Variants in IGSF10 observed in about 807,000 individuals in gnomAD.
IGSF10 encodes the protein calvaria mechanical force protein 608.
IGSF10 carries 126 observed loss-of-function variants against 128.2 expected under a neutral mutation model. The ratio of observed to expected loss-of-function variants is 0.98; its 90% CI spans 0.85 to 1.14. IGSF10 has a LOEUF of 1.14. Among genes scored for constraint, IGSF10 ranks in the 50% most tolerant of loss-of-function variants. IGSF10 has a pLI of 0.00. For synonymous variants in IGSF10, 1,185 were observed against 1,146.2 expected (o/e 1.03, Z -0.68); for missense variants, 3,295 against 3,149.8 (o/e 1.05, Z -1.10).
chr3:151,458,710 C>T lies in IGSF10; in HGVS notation c.-1G>A. On this transcript the variant is annotated splice_region_variant and 5_prime_UTR_variant, in exon 3 of 8. Coordinates refer to ENST00000282466, the MANE Select transcript of IGSF10 (RefSeq NM_178822.5). Reference sequence around the variant, plus strand: ...TGATTCCTCTGCCTTTTACCTTCATCCTGAAAAAACATCATACCTCAGAGT... The same window carrying T: ...TGATTCCTCTGCCTTTTACCTTCATTCTGAAAAAACATCATACCTCAGAGT... 6.2e-7 allele frequency: 1 copy of T among 1,610,038 alleles called. No individual in the cohort carries two copies. Among genetic ancestry groups the T allele is most frequent in the Non-Finnish European group, 8.5e-7 (1 of 1,178,264 alleles).
At chr3:151,497,397 T>A in the IGSF10 span, among the ~76,000 whole-genome samples, 1 of 152,206 alleles carries the variant, frequency 6.6e-6, no homozygotes, top group South Asian at 2.1e-4. Flanking sequence ...TCCATATGGC[T>A]AGCCAGTTTT....
chr3:151,467,278 T>C, the IGSF10 span, among the ~76,000 whole-genome samples: 1 of 152,194 alleles, frequency 6.6e-6, no homozygotes, highest in Admixed American at 6.5e-5. Flanking sequence ...GGAAGTTAGA[T>C]GCCTTACAAA....
At position 151,438,004 on chromosome 3, in the gene IGSF10, G is replaced by A; in HGVS notation, c.6557C>T (p.Ser2186Phe). The A allele has an allele frequency of 6.2e-7, 1 of 1,614,210 alleles. No homozygotes were observed. The highest frequency in any genetic ancestry group is 8.5e-7 in the Non-Finnish European group (1 of 1,180,032). Residue 2186 changes from serine to phenylalanine, a missense_variant, in exon 8 of 8, where the codon TCC becomes TTC. Ser to Phe is a radical substitution (Grantham distance 155, BLOSUM62 -2). Coordinates refer to ENST00000282466, the MANE Select transcript of IGSF10 (RefSeq NM_178822.5). Reference protein sequence around the residue: ...LLPSNDMISFSIDRYTFHANG... With the variant: ...LLPSNDMISFFIDRYTFHANG... ...GGCATGAAATGTGTACCTATCAATG[G>A]AGAAGGAAATCATGTCATTGGAAGG...
At chr3:151,559,940 C>A in the IGSF10 span, among the ~76,000 whole-genome samples, 1 of 152,114 alleles carries the variant, frequency 6.6e-6, no homozygotes, top group South Asian at 2.1e-4. Context: ...TCATCTGAGT[C>A]ACGGAAAAGA....
At chr3:151,546,113 A>G in the IGSF10 span, among the ~76,000 whole-genome samples, 1 of 151,668 alleles carries the variant, frequency 6.6e-6, no homozygotes, top group Non-Finnish European at 1.5e-5. Context: ...ACCCAGCTTT[A>G]GTGCAGTGGT....
the IGSF10 span, among the ~76,000 whole-genome samples, chr3:151,482,273 C>T: frequency 6.6e-6 from 1 of 151,988 alleles, no homozygotes; most frequent in Non-Finnish European, 1.5e-5. Flanking sequence ...CAGCAAGATG[C>T]AAGAGAATAC....
At chr3:151,434,496 AAATT>A (rs1372838462), downstream of IGSF10, 15 of 142,628 alleles carry the variant, frequency 1.1e-4, no homozygotes, top group Non-Finnish European at 2.1e-4. Context: ...TCTTTTCACT[AAATT>A]AATAGTCTAT....
At chr3:151,513,364 C>A in the IGSF10 span, among the ~76,000 whole-genome samples, 1,100 of 151,874 alleles carry the variant, frequency 7.2e-3, 13 homozygotes, top group African/African-American at 0.025. Context: ...GAACAAAAGA[C>A]AAAAACTACA....
rs1721127571 is a variant in IGSF10 at position 151,445,445 on chromosome 3, A to G, written c.4536T>C (p.Asn1512=). The G allele has an allele frequency of 6.2e-7, 1 of 1,614,078 alleles. No homozygotes were observed. The change falls in exon 6 of 8, where the codon AAT becomes AAC. Residue 1512 remains asparagine, a synonymous_variant. Transcript: ENST00000282466. ...VVKLHESSRH[N]AKPQQLVAEV... The stretch of plus-strand genomic sequence containing the variant: ...CTGCTACTAATTGCTGTGGTTTAGC[A>G]TTGTGCCTTGAGGATTCGTGCAGCT...
At chr3:151,432,988 G>C (rs1241293660), downstream of IGSF10, 1 of 534,504 alleles carries the variant, frequency 1.9e-6, no homozygotes, top group African/African-American at 1.9e-5. Context: ...AGAAGTTGTG[G>C]TTTGATTTTG....
At chr3:151,522,858 A>T in the IGSF10 span, among the ~76,000 whole-genome samples, 1 of 152,138 alleles carries the variant, frequency 6.6e-6, no homozygotes, top group African/African-American at 2.4e-5. Context: ...AAGAGAAAGA[A>T]AGGACATCCA....
At chr3:151,475,670 G>A in the IGSF10 span, 1 of 152,124 alleles carries the variant, frequency 6.6e-6, no homozygotes, top group African/African-American at 2.4e-5. Flanking sequence ...AGTTTGTTCT[G>A]ACCATGAGGA....
chr3:151,512,820 A>G, the IGSF10 span, among the ~76,000 whole-genome samples: 1 of 152,226 alleles, frequency 6.6e-6, no homozygotes, highest in Admixed American at 6.5e-5. Flanking sequence ...CTACCATCAG[A>G]GAATACTACA....
At chr3:151,434,348 C>G (rs1225603820), downstream of IGSF10, 1 of 152,138 alleles carries the variant, frequency 6.6e-6, no homozygotes, top group Non-Finnish European at 1.5e-5. Context: ...CAAATGACCT[C>G]AAATACATGT....
At chr3:151,592,278 C>T in the IGSF10 span, among the ~76,000 whole-genome samples, 3 of 151,938 alleles carry the variant, frequency 2.0e-5, no homozygotes, top group Non-Finnish European at 4.4e-5. Context: ...CGCACACACA[C>T]ATGTAAGGGG....
chr3:151,509,855 C>T, the IGSF10 span, among the ~76,000 whole-genome samples: 1 of 152,196 alleles, frequency 6.6e-6, no homozygotes, highest in Non-Finnish European at 1.5e-5. Flanking sequence ...GAGGGTCTTA[C>T]ACCCACAGAG....
chr3:151,500,889 A>G, the IGSF10 span, among the ~76,000 whole-genome samples: 1 of 152,050 alleles, frequency 6.6e-6, no homozygotes, highest in Non-Finnish European at 1.5e-5. Flanking sequence ...TTATGTTCAT[A>G]TATTTCTGGT....
the IGSF10 span, among the ~76,000 whole-genome samples, chr3:151,617,255 TC>T: frequency 7.9e-6 from 1 of 127,352 alleles, no homozygotes; most frequent in Non-Finnish European, 1.7e-5. Context: ...CCTCTTCTTC[TC>T]CTTCTCTTCT....
chr3:151,440,943 G>A (rs777088097), intron 7 of IGSF10, among the ~76,000 whole-genome samples: 3 of 152,120 alleles, frequency 2.0e-5, no homozygotes, highest in Non-Finnish European at 2.9e-5. Context: ...AATAGGTCTC[G>A]CCAAGGATGT....
Sources: allele counts gnomAD v4.1 joint callset (sites outside exome capture counted in the v4.1 genomes callset), GRCh38; gene constraint gnomAD v4.1.1; transcripts MANE v1.5; gene names NCBI Gene and HGNC (gene_info 2026-07-23, HGNC 2026-07-21).